POU2F1: variants seen among roughly 807,000 people sequenced by gnomAD.
POU2F1 encodes the protein POU domain, class 2, transcription factor 1.
A neutral mutation model predicts 84.9 loss-of-function variants in POU2F1; 16 were observed. The ratio of observed to expected loss-of-function variants is 0.19; its 90% CI spans 0.13 to 0.29. The LOEUF (loss-of-function observed/expected upper bound fraction) is 0.29, where lower values mean the gene tolerates loss of function less well. POU2F1 is among the 10% of genes least tolerant of loss of function. The pLI is 1.00. For synonymous variants in POU2F1, 368 were observed against 368.3 expected (o/e 1.00, Z 0.01); for missense variants, 738 against 942.6 (o/e 0.78, Z 2.84).
rs1197761618 is a variant in POU2F1 at position 167,426,781 on chromosome 1, C to G, written c.*10971C>G. On this transcript the variant is annotated 3_prime_UTR_variant, in exon 16 of 16. Coordinates refer to ENST00000367866, the MANE Select transcript of POU2F1 (RefSeq NM_002697.4). ...TAAGATGTGGTGTAAATGATTCTTT[C>G]CAAAATTGTCCAGCAGCTTGAATGA... 6.6e-6 allele frequency: 1 copy of G among 152,142 alleles called. No individual in the cohort carries two copies. Among genetic ancestry groups the G allele is most frequent in the East Asian group, 1.9e-4 (1 of 5,204 alleles). The allele number at this position is 152,142 out of a possible 1,614,324, so 9.4% of individuals were successfully genotyped here.
Position 167,415,900 on chromosome 1 carries a change from G to A in POU2F1, c.*90G>A. 8.0e-7 allele frequency: 1 copy of A among 1,251,768 alleles called. No individual in the cohort carries two copies. The allele number at this position is 1,251,768 out of a possible 1,614,324, so 77.5% of individuals were successfully genotyped here. On this transcript the variant is annotated 3_prime_UTR_variant, in exon 16 of 16. Coordinates refer to ENST00000367866, the MANE Select transcript of POU2F1 (RefSeq NM_002697.4). ...GTTAATAAACTGAAAAATGTGATTGGCTTCCTCTCGCCGTGTTGTGAGGGC... is the reference window on the plus strand; with the variant it reads ...GTTAATAAACTGAAAAATGTGATTGACTTCCTCTCGCCGTGTTGTGAGGGC...
chr1:167,266,252 C>G (rs897397130), intron 1 of POU2F1, among the ~76,000 whole-genome samples: 4 of 152,088 alleles, frequency 2.6e-5, no homozygotes, highest in African/African-American at 7.2e-5. Context: ...TGGAGCATAC[C>G]CTTTAAATCT....
chr1:167,253,322 T>C (rs1017437692), intron 1 of POU2F1, among the ~76,000 whole-genome samples: 2 of 151,116 alleles, frequency 1.3e-5, no homozygotes, highest in African/African-American at 4.9e-5. Context: ...CTAACTCTCT[T>C]GTAGAACAAG....
intron 2 of POU2F1, 45 bp from the exon 3 acceptor site, chr1:167,365,422 C>T: frequency 2.1e-6 from 3 of 1,407,916 alleles, no homozygotes; most frequent in South Asian, 1.4e-5. Context: ...TGCTTTATTT[C>T]ATTTATTTCT....
intron 1 of POU2F1, among the ~76,000 whole-genome samples, chr1:167,289,465 C>G (rs988185807): frequency 6.6e-6 from 1 of 152,184 alleles, no homozygotes; most frequent in South Asian, 2.1e-4. Flanking sequence ...CAAAGGGTCT[C>G]TCTGAGGAGG....
intron 7 of POU2F1, 47 bp downstream of exon 7, chr1:167,376,202 C>A (rs761966415): frequency 6.3e-7 from 1 of 1,586,012 alleles, no homozygotes; most frequent in Non-Finnish European, 8.6e-7. Context: ...AGGCTGTTCG[C>A]TGAATGTTAC....
intron 3 of POU2F1, 128 bp from the exon 4 acceptor site, chr1:167,370,033 C>T (rs899508907): frequency 6.4e-5 from 47 of 736,332 alleles, no homozygotes; most frequent in Admixed American, 1.8e-4. Flanking sequence ...GTTTTAACTC[C>T]GTAAGACAAA....
chr1:167,372,216 T>C (rs1660054851), intron 5 of POU2F1, among the ~76,000 whole-genome samples, 180 bp downstream of exon 5: 1 of 152,140 alleles, frequency 6.6e-6, no homozygotes. Flanking sequence ...GGAATTATCT[T>C]TGTCGTAAGT....
At chr1:167,302,363 C>T (rs1042003145) in intron 1 of POU2F1, among the ~76,000 whole-genome samples, 2 of 151,644 alleles carry the variant, frequency 1.3e-5, no homozygotes, top group Non-Finnish European at 2.9e-5. Flanking sequence ...CTAGTTCAAG[C>T]GATTATCCTG....
intron 1 of POU2F1, among the ~76,000 whole-genome samples, chr1:167,245,134 A>G (rs1404135114): frequency 2.0e-5 from 3 of 152,184 alleles, no homozygotes; most frequent in Admixed American, 1.3e-4. Context: ...GGATCTTTGT[A>G]TGTTACCTTA....
chr1:167,393,189 ACTT>A (rs1187439863), intron 9 of POU2F1, among the ~76,000 whole-genome samples: 3 of 152,208 alleles, frequency 2.0e-5, no homozygotes, highest in Non-Finnish European at 4.4e-5. Context: ...TGAATCGACT[ACTT>A]AAAACATTTA....
chr1:167,314,845 A>C (rs1458100047), intron 1 of POU2F1, among the ~76,000 whole-genome samples: 1 of 152,082 alleles, frequency 6.6e-6, no homozygotes, highest in Non-Finnish European at 1.5e-5. Context: ...CCCAGATCTC[A>C]TGTCAAATTG....
At chr1:167,414,340 T>C (rs753865381) in intron 15 of POU2F1, 23 of 985,296 alleles carry the variant, frequency 2.3e-5, no homozygotes, top group Non-Finnish European at 2.7e-5. Context: ...TAGGGCATGA[T>C]TGACACTCTG....
chr1:167,372,209 A>T (rs1660053798), intron 5 of POU2F1, among the ~76,000 whole-genome samples, 173 bp downstream of exon 5: 1 of 152,162 alleles, frequency 6.6e-6, no homozygotes, highest in Non-Finnish European at 1.5e-5. Flanking sequence ...TGAAAAAGGA[A>T]TTATCTTTGT....
Position 167,352,283 on chromosome 1 carries a change from A to G in POU2F1, c.128-13184A>G, listed in dbSNP as rs550558316. On this transcript the variant is annotated intron_variant, in intron 2 of 15. Transcript: ENST00000367866. ...TGTAATATTTCTTGTGGGCTATAAA[A>G]TTTGATTTGATTCCTTTTTAAAAAC... Among the ~76,000 whole-genome samples the G allele has an allele frequency of 3.3e-5, 5 of 152,308 alleles. No homozygotes were observed. In the South Asian group the frequency reaches 1.0e-3, roughly 32 times the overall value.
chr1:167,221,218 G>A (rs1335881190), intron 1 of POU2F1, among the ~76,000 whole-genome samples: 1 of 151,274 alleles, frequency 6.6e-6, no homozygotes, highest in Admixed American at 6.6e-5. Flanking sequence ...GGCCCACCCC[G>A]CCGCCGCTCG....
intron 2 of POU2F1, among the ~76,000 whole-genome samples, chr1:167,340,437 T>TTC (rs1386207295): frequency 6.9e-6 from 1 of 144,178 alleles, no homozygotes; most frequent in African/African-American, 2.6e-5. Flanking sequence ...TTTTCTTTTT[T>TTC]TTTTTTTTTT....
chr1:167,389,311 T>C (rs1177174093), intron 8 of POU2F1, among the ~76,000 whole-genome samples: 2 of 152,208 alleles, frequency 1.3e-5, no homozygotes, highest in Non-Finnish European at 2.9e-5. Context: ...ATTCAGACCA[T>C]TTGAAAACCC....
intron 13 of POU2F1, among the ~76,000 whole-genome samples, chr1:167,406,871 A>G (rs1310830582): frequency 2.6e-5 from 4 of 152,206 alleles, no homozygotes; most frequent in African/African-American, 9.6e-5. Context: ...GTCTAAATAA[A>G]GAGACATTTC....
Sources: allele counts gnomAD v4.1 joint callset (sites outside exome capture counted in the v4.1 genomes callset), GRCh38; gene constraint gnomAD v4.1.1; transcripts MANE v1.5; gene names NCBI Gene and HGNC (gene_info 2026-07-23, HGNC 2026-07-21).